PLXNA4: variants seen among roughly 807,000 people sequenced by gnomAD.
PLXNA4 encodes plexin A4.
Under a neutral mutation model 191.8 loss-of-function variants are expected in PLXNA4, and 44 were observed. That is an observed-to-expected ratio of 0.23 (90% confidence interval 0.18 to 0.29). The LOEUF (loss-of-function observed/expected upper bound fraction) is 0.29, where lower values mean the gene tolerates loss of function less well. Among genes scored for constraint, PLXNA4 ranks in the 10% least tolerant of loss-of-function variants. PLXNA4 has a pLI of 1.00. For missense variants in PLXNA4, 1,800 were observed against 2,488.8 expected (o/e 0.72, Z 5.89); for synonymous variants, 1,082 against 1,009.5 (o/e 1.07, Z -1.36).
chr7:132,181,753 C>G, intron 17 of PLXNA4, 133 bp from the exon 18 acceptor site: 1 of 1,444,662 alleles, frequency 6.9e-7, no homozygotes, highest in Non-Finnish European at 9.1e-7. Flanking sequence ...TGAGTCAGGG[C>G]CACACAATTG....
intron 3 of PLXNA4, among the ~76,000 whole-genome samples, chr7:132,477,404 A>G (rs568991023): frequency 3.3e-5 from 5 of 152,208 alleles, no homozygotes; most frequent in Non-Finnish European, 7.3e-5. Flanking sequence ...TCCTTTGGCC[A>G]TGAGATCAAC....
intron 30 of PLXNA4, among the ~76,000 whole-genome samples, chr7:132,140,202 G>A (rs1795226971): frequency 6.6e-6 from 1 of 152,240 alleles, no homozygotes; most frequent in Non-Finnish European, 1.5e-5. Flanking sequence ...GATGGGTAGA[G>A]GCCTCCAGCC....
At chr7:132,485,852 C>T (rs765132709) in intron 3 of PLXNA4, among the ~76,000 whole-genome samples, 4 of 152,186 alleles carry the variant, frequency 2.6e-5, no homozygotes, top group African/African-American at 4.8e-5. Flanking sequence ...CCTTTCCCCC[C>T]GCTTCATGTG....
At chr7:132,149,176 T>C (rs1467904439) in intron 25 of PLXNA4, among the ~76,000 whole-genome samples, 1 of 151,728 alleles carries the variant, frequency 6.6e-6, no homozygotes, top group Non-Finnish European at 1.5e-5. Context: ...GGTCAAAGAG[T>C]GTGGAAAAAA....
At chr7:132,198,778 C>A in intron 12 of PLXNA4, 142 bp from the exon 13 acceptor site, 1 of 1,314,792 alleles carries the variant, frequency 7.6e-7, no homozygotes, top group Non-Finnish European at 1.0e-6. Context: ...GCACCCAAAG[C>A]CTGCGGTAAT....
chr7:132,518,008 T>C (rs1799009146), intron 1 of PLXNA4, among the ~76,000 whole-genome samples: 1 of 152,254 alleles, frequency 6.6e-6, no homozygotes, highest in South Asian at 2.1e-4. Context: ...TTTTTTACTT[T>C]AAACTCTTGG....
intron 2 of PLXNA4, among the ~76,000 whole-genome samples, chr7:132,497,891 A>G (rs1002623086): frequency 7.2e-5 from 11 of 152,138 alleles, no homozygotes; most frequent in African/African-American, 2.4e-4. Context: ...TTTCAATGAG[A>G]TTGTAGGGAA....
intron 3 of PLXNA4, among the ~76,000 whole-genome samples, chr7:132,392,137 A>G (rs1387411360): frequency 6.6e-6 from 1 of 152,154 alleles, no homozygotes; most frequent in Non-Finnish European, 1.5e-5. Flanking sequence ...TCAAAAAAAA[A>G]AAAGAAAAGA....
rs115957971 is a variant in PLXNA4, at chr7:132,227,875, G to A, written c.1729-271C>T. 2.1e-3 allele frequency among the ~76,000 whole-genome samples: 319 copies of A among 152,222 alleles called. 1 individual carries two copies. Among genetic ancestry groups the A allele is most frequent in the African/African-American group, 7.1e-3 (294 of 41,520 alleles). On this transcript the variant is annotated intron_variant, in intron 6 of 31. Transcript: ENST00000321063. ...ACAAGAATGCTTAAGGGATTTGCGT[G>A]GTGCCATTTTGATCAGGACTGAGGC...
chr7:132,561,426 C>T (rs1350020844), intron 1 of PLXNA4, among the ~76,000 whole-genome samples: 5 of 142,700 alleles, frequency 3.5e-5, no homozygotes, highest in Admixed American at 6.9e-5. Flanking sequence ...CCTCCTCCTC[C>T]TCTTCCTCCC....
chr7:132,237,453 G>A (rs1798739978), intron 5 of PLXNA4, among the ~76,000 whole-genome samples: 1 of 152,186 alleles, frequency 6.6e-6, no homozygotes, highest in South Asian at 2.1e-4. Flanking sequence ...TCTTATAGTT[G>A]CCAGGGGGCT....
chr7:132,164,332 T>C (rs771127313), intron 23 of PLXNA4, 44 bp from the exon 24 acceptor site: 11 of 1,605,522 alleles, frequency 6.9e-6, no homozygotes, highest in Non-Finnish European at 9.4e-6. Context: ...CTTGGAACAC[T>C]GGAGTGTACC....
chr7:132,279,174 G>A (rs1367500334), intron 4 of PLXNA4, among the ~76,000 whole-genome samples: 1 of 152,208 alleles, frequency 6.6e-6, no homozygotes, highest in African/African-American at 2.4e-5. Flanking sequence ...CCTGACTGGT[G>A]AGTGGTGCAC....
chr7:132,545,240 C>T (rs1228641871), intron 1 of PLXNA4, among the ~76,000 whole-genome samples: 1 of 152,166 alleles, frequency 6.6e-6, no homozygotes, highest in East Asian at 1.9e-4. Context: ...ACTTCACATG[C>T]TCCTGTGGGC....
chr7:132,514,802 GCACA>G (rs10632716), intron 1 of PLXNA4, among the ~76,000 whole-genome samples: 27 of 148,960 alleles, frequency 1.8e-4, no homozygotes, highest in South Asian at 6.4e-4. Flanking sequence ...GTGTCTCTAT[GCACA>G]CACACACACA....
intron 3 of PLXNA4, among the ~76,000 whole-genome samples, chr7:132,379,401 AC>A (rs1344407964): frequency 2.0e-5 from 3 of 151,964 alleles, no homozygotes; most frequent in Admixed American, 6.6e-5. Flanking sequence ...CTTTTACAAA[AC>A]CCCTGGAGGA....
intron 5 of PLXNA4, among the ~76,000 whole-genome samples, chr7:132,235,217 C>T (rs1798658774): frequency 6.6e-6 from 1 of 152,178 alleles, no homozygotes; most frequent in African/African-American, 2.4e-5. Flanking sequence ...CAGTCGAGGC[C>T]CTTTGGGCCA....
intron 25 of PLXNA4, among the ~76,000 whole-genome samples, chr7:132,149,608 C>T (rs1341459831): frequency 3.3e-5 from 5 of 152,186 alleles, no homozygotes; most frequent in Non-Finnish European, 2.9e-5. Context: ...TCAAATGCAA[C>T]GTGTGTTCCA....
At chr7:132,298,739 T>C (rs1801198426) in intron 3 of PLXNA4, among the ~76,000 whole-genome samples, 1 of 152,222 alleles carries the variant, frequency 6.6e-6, no homozygotes, top group Admixed American at 6.5e-5. Context: ...TAAGGGTCTC[T>C]TTTTTTGCCA....
Sources: allele counts gnomAD v4.1 joint callset (sites outside exome capture counted in the v4.1 genomes callset), GRCh38; gene constraint gnomAD v4.1.1; transcripts MANE v1.5; gene names NCBI Gene and HGNC (gene_info 2026-07-23, HGNC 2026-07-21).